BPTF: variants seen among roughly 807,000 people sequenced by gnomAD.
BPTF encodes bromodomain PHD finger transcription factor.
Under a neutral mutation model 292.5 loss-of-function variants are expected in BPTF, and 18 were observed. The ratio of observed to expected loss-of-function variants is 0.06; its 90% confidence interval spans 0.04 to 0.09. The LOEUF (loss-of-function observed/expected upper bound fraction) is 0.09. Among genes scored for constraint, BPTF ranks in the 10% least tolerant of loss-of-function variants. The pLI is 1.00. For missense variants in BPTF, 2,726 were observed against 3,498.7 expected (o/e 0.78, Z 5.57); for synonymous variants, 1,225 against 1,251.9 (o/e 0.98, Z 0.45).
At chr17:67,827,532 TTAAA>T (rs1190906454) in intron 1 of BPTF, among the ~76,000 whole-genome samples, 1 of 152,200 alleles carries the variant, frequency 6.6e-6, no homozygotes, top group Non-Finnish European at 1.5e-5. Flanking sequence ...TCTAGATTAA[TTAAA>T]TTAGAATCTG....
chr17:67,964,796 C>CA (rs373776384), intron 25 of BPTF, among the ~76,000 whole-genome samples: 1,738 of 151,506 alleles, frequency 0.011, 29 homozygotes, highest in African/African-American at 0.04. Context: ...GTCAGGAGAT[C>CA]AGACCATCCT....
chr17:67,832,741 C>T (rs1222261243), intron 1 of BPTF, among the ~76,000 whole-genome samples: 2 of 151,508 alleles, frequency 1.3e-5, no homozygotes, highest in Admixed American at 6.6e-5. Context: ...CTGCTCATCC[C>T]TGGCAGCCAC....
At chr17:67,850,342 T>C (rs1199113189) in intron 1 of BPTF, among the ~76,000 whole-genome samples, 1 of 152,168 alleles carries the variant, frequency 6.6e-6, no homozygotes, top group Non-Finnish European at 1.5e-5. Context: ...ATTGTAAAAC[T>C]TAACTTTTCT....
At chr17:67,828,793 G>T (rs905829501) in intron 1 of BPTF, among the ~76,000 whole-genome samples, 1 of 152,184 alleles carries the variant, frequency 6.6e-6, no homozygotes, top group African/African-American at 2.4e-5. Context: ...CTCCCAAAGT[G>T]CTGGGATTAC....
intron 7 of BPTF, among the ~76,000 whole-genome samples, chr17:67,898,596 C>T (rs182690099): frequency 8.6e-5 from 13 of 151,898 alleles, no homozygotes; most frequent in African/African-American, 2.9e-4. Context: ...AGGTGTGAGC[C>T]GCTGCACTTG....
intron 24 of BPTF, among the ~76,000 whole-genome samples, chr17:67,961,845 A>G (rs2067528734): frequency 1.3e-5 from 2 of 152,194 alleles, no homozygotes; most frequent in South Asian, 4.1e-4. Context: ...GTGGTGGCAC[A>G]CACCTGTAAT....
chr17:67,981,076 C>T (rs1555696435), intron 27 of BPTF, among the ~76,000 whole-genome samples: 1 of 152,090 alleles, frequency 6.6e-6, no homozygotes. Context: ...GGAGGATCAC[C>T]TGAGCCCTGG....
At chr17:67,948,498 A>ATAAATT (rs2065978474) in intron 23 of BPTF, among the ~76,000 whole-genome samples, 192 bp downstream of exon 23, 1 of 152,180 alleles carries the variant, frequency 6.6e-6, no homozygotes, top group Non-Finnish European at 1.5e-5. Flanking sequence ...CTAAATGTGT[A>ATAAATT]GTTATATTGT....
Position 67,945,915 on chromosome 17 carries a change from A to G in BPTF, c.7207A>G (p.Thr2403Ala). ...SQPQVQSSTQ[T>A]LSSGQTLNQV... is the part of the protein sequence containing the mutation. ...ACCCCAGGTACAGTCTTCAACTCAA[A>G]CTCTTTCATCAGGACAAACTTTAAA... Residue 2403 changes from threonine (T) to alanine (A), a missense_variant, in exon 21 of 28, where the codon ACT becomes GCT. This residue lies in a region of BPTF where 570 missense variants were observed against 633.5 expected (regional missense o/e 0.90). Transcript: ENST00000306378. 1 of 1,613,724 alleles carries G rather than the reference A, an allele frequency of 6.2e-7. No homozygotes were observed. Among genetic ancestry groups the G allele is most frequent in the Non-Finnish European group, 8.5e-7 (1 of 1,179,970 alleles).
chr17:67,918,615 C>A, intron 11 of BPTF, 99 bp from the exon 12 acceptor site: 1 of 1,166,880 alleles, frequency 8.6e-7, no homozygotes, highest in Non-Finnish European at 1.2e-6. Context: ...CTAATGAGGA[C>A]AAGAAACACA....
chr17:67,896,356 G>C (rs140944015), intron 7 of BPTF, among the ~76,000 whole-genome samples: 1 of 151,492 alleles, frequency 6.6e-6, no homozygotes, highest in African/African-American at 2.4e-5. Flanking sequence ...ATTGAATCTC[G>C]TAAGTTTACA....
chr17:67,947,540 C>T (rs886613785), intron 21 of BPTF, among the ~76,000 whole-genome samples, 186 bp from the exon 22 acceptor site: 2 of 152,176 alleles, frequency 1.3e-5, no homozygotes, highest in Admixed American at 6.5e-5. Flanking sequence ...TAGCCTAGCA[C>T]GGTACCCAGC....
At chr17:67,938,256 T>G (rs981262125) in intron 18 of BPTF, among the ~76,000 whole-genome samples, 2 of 152,368 alleles carry the variant, frequency 1.3e-5, no homozygotes, top group East Asian at 3.9e-4. Flanking sequence ...GATGGCAATG[T>G]ATCTGTACCA....
Position 67,912,508 on chromosome 17 carries a change from A to G in BPTF, c.4624A>G (p.Lys1542Glu), listed in dbSNP as rs1277521640. The change falls in exon 11 of 28, where the codon AAG becomes GAG. Residue 1542 changes from lysine to glutamate, a missense_variant. Transcript: ENST00000306378. Reference sequence around the variant, plus strand: ...TATGGAAATAGAAACCTCAGAAGTTAAGAAAGTTACTTCATCACCTATTAC... The same window carrying G: ...TATGGAAATAGAAACCTCAGAAGTTGAGAAAGTTACTTCATCACCTATTAC... ...EDMEIETSEV[K>E]KVTSSPITSE... The G allele has an allele frequency of 8.7e-6, 14 of 1,613,928 alleles. No individual in the cohort carries two copies. Among genetic ancestry groups the G allele is most frequent in the African/African-American group, 2.7e-5 (2 of 74,930 alleles).
At position 67,912,881 on chromosome 17, in the gene BPTF, C is replaced by T; in HGVS notation, c.4997C>T (p.Thr1666Ile). The change falls in exon 11 of 28, where the codon ACC becomes ATC. Residue 1666 changes from threonine to isoleucine, a missense_variant. Thr to Ile is a moderately conservative substitution (Grantham distance 89). Transcript: ENST00000306378. ...VVTTTVTDSL[T>I]TTGGTLVTSM... ...ACCACGACAGTGACAGACTCCCTGACCACCACGGGAGGCACACTGGTTACA... is the reference window on the plus strand; with the variant it reads ...ACCACGACAGTGACAGACTCCCTGATCACCACGGGAGGCACACTGGTTACA... 3.1e-6 allele frequency: 5 copies of T among 1,614,200 alleles called. No homozygotes were observed. The highest frequency in any genetic ancestry group is 4.2e-6 in the Non-Finnish European group (5 of 1,180,012).
chr17:67,917,728 G>A (rs939653445), intron 11 of BPTF, among the ~76,000 whole-genome samples: 3 of 152,056 alleles, frequency 2.0e-5, no homozygotes, highest in Non-Finnish European at 2.9e-5. Context: ...TGCCTCCTGG[G>A]TTCAATTGAT....
In BPTF at chr17:67,928,336, C is replaced by T. The variant is rs781311223; in HGVS notation, c.5752-19C>T. 9 of 1,583,536 alleles carry T rather than the reference C, an allele frequency of 5.7e-6. No homozygotes were observed. Among genetic ancestry groups the T allele is most frequent in the Non-Finnish European group, 7.7e-6 (9 of 1,164,962 alleles). On this transcript the variant is annotated intron_variant, in intron 15 of 27. Coordinates refer to ENST00000306378, the MANE Select transcript of BPTF (RefSeq NM_182641.4). ...TTAGAACTATTTTGATTCATGTTTC[C>T]TCTCCTTCACTTTTTTAGAAACGAC...
rs60507268 is a variant in BPTF at position 67,955,277 on chromosome 17, C to CAAA, written c.7927-4239_7927-4237dup. On this transcript the variant is annotated intron_variant, in intron 23 of 27. Transcript: ENST00000306378. ...TGGGCGACAGAGCCAGACTCTGTCT[C>CAAA]AAAAAAAAAAAAAAAAAAAAAAAAA... The CAAA allele has an allele frequency of 3.2e-4, 38 of 119,500 alleles. 3 individuals are homozygous for CAAA. The highest frequency in any genetic ancestry group is 1.1e-3 in the African/African-American group (32 of 28,612). 7.4% of individuals were successfully genotyped at this position (119,500 alleles called of 1,614,324 possible).
chr17:67,856,204 T>G (rs1015233679), intron 2 of BPTF, among the ~76,000 whole-genome samples: 4 of 152,308 alleles, frequency 2.6e-5, no homozygotes, highest in African/African-American at 7.2e-5. Context: ...ATGTGTTCAG[T>G]TTTTTAAGAT....
Sources: gnomAD v4.1 joint callset for allele counts (sites outside exome capture counted in the v4.1 genomes callset) on GRCh38, gnomAD v4.1.1 for gene constraint, gnomAD v4.1.1 regional missense constraint, MANE v1.5 for transcripts, NCBI Gene and HGNC (gene_info 2026-07-23, HGNC 2026-07-21) for gene names.